ENTREP2: variants seen among roughly 807,000 people sequenced by gnomAD.
The protein encoded by ENTREP2 is endosomal transmembrane epsin interactor 2, also known as protein ENTREP2.
At chr15:29,276,869 A>G in the ENTREP2 span, among the ~76,000 whole-genome samples, 1 of 152,230 alleles carries the variant, frequency 6.6e-6, no homozygotes, top group Non-Finnish European at 1.5e-5. Context: ...CTTTGGAGCT[A>G]GGGAAGGTTA....
the ENTREP2 span, among the ~76,000 whole-genome samples, chr15:29,307,638 G>C: frequency 6.6e-6 from 1 of 152,188 alleles, no homozygotes; most frequent in Non-Finnish European, 1.5e-5. Flanking sequence ...GTCTTTAGTA[G>C]GTACTTCAGG....
chr15:29,198,679 G>A, the ENTREP2 span, among the ~76,000 whole-genome samples: 1 of 152,300 alleles, frequency 6.6e-6, no homozygotes, highest in African/African-American at 2.4e-5. Context: ...ACCGGCCCAT[G>A]GCCATGTTCC....
At chr15:29,521,891 A>G in the ENTREP2 span, among the ~76,000 whole-genome samples, 1 of 152,288 alleles carries the variant, frequency 6.6e-6, no homozygotes, top group African/African-American at 2.4e-5. Context: ...TTTAAAACAC[A>G]TTAATTAAGA....
At chr15:29,363,012 G>C in the ENTREP2 span, among the ~76,000 whole-genome samples, 3 of 152,130 alleles carry the variant, frequency 2.0e-5, no homozygotes, top group African/African-American at 7.2e-5. Context: ...CGAGGTGGGA[G>C]GTTGGGATAC....
At chr15:29,180,390 G>C in the ENTREP2 span, among the ~76,000 whole-genome samples, 4 of 152,144 alleles carry the variant, frequency 2.6e-5, no homozygotes, top group Admixed American at 2.0e-4. Flanking sequence ...AGTAGGCCAG[G>C]CGCACTGGCT....
the ENTREP2 span, among the ~76,000 whole-genome samples, chr15:29,343,765 T>G: frequency 1.4e-4 from 21 of 152,112 alleles, no homozygotes; most frequent in African/African-American, 5.1e-4. Context: ...TTGTTATAGT[T>G]AGAAACTTTA....
the ENTREP2 span, among the ~76,000 whole-genome samples, chr15:29,396,322 T>G: frequency 9.2e-6 from 1 of 108,756 alleles, no homozygotes; most frequent in Non-Finnish European, 1.8e-5. Flanking sequence ...TGAGTTTGAC[T>G]TTTTTTTTTT....
the ENTREP2 span, among the ~76,000 whole-genome samples, chr15:29,260,206 G>A: frequency 6.6e-6 from 1 of 152,182 alleles, no homozygotes; most frequent in Non-Finnish European, 1.5e-5. Flanking sequence ...CTGAAGGAGA[G>A]GGAGCACTTC....
chr15:29,314,083 C>T, the ENTREP2 span, among the ~76,000 whole-genome samples: 1 of 152,174 alleles, frequency 6.6e-6, no homozygotes, highest in African/African-American at 2.4e-5. Context: ...CATGAGAAAA[C>T]TTTAATGGAC....
chr15:29,333,513 C>T, the ENTREP2 span, among the ~76,000 whole-genome samples: 54,145 of 151,986 alleles, frequency 0.36, 11,790 homozygotes, highest in Middle Eastern at 0.49. Context: ...ATGGCCCTCC[C>T]GGGCACCCGG....
At chr15:29,284,143 G>C in the ENTREP2 span, among the ~76,000 whole-genome samples, 1 of 152,202 alleles carries the variant, frequency 6.6e-6, no homozygotes, top group East Asian at 1.9e-4. Flanking sequence ...CGAGTCTTAA[G>C]ATTGAAAGGG....
chr15:29,221,724 C>G, the ENTREP2 span, among the ~76,000 whole-genome samples: 2 of 152,092 alleles, frequency 1.3e-5, no homozygotes, highest in Non-Finnish European at 2.9e-5. Flanking sequence ...TTAATTAGCA[C>G]GGTCATCAAA....
chr15:29,435,233 G>A, the ENTREP2 span, among the ~76,000 whole-genome samples: 4 of 152,230 alleles, frequency 2.6e-5, no homozygotes, highest in South Asian at 8.3e-4. Context: ...AGCAAGAAAC[G>A]TGAGCTCAGA....
At chr15:29,385,261 C>T in the ENTREP2 span, among the ~76,000 whole-genome samples, 9 of 152,190 alleles carry the variant, frequency 5.9e-5, no homozygotes, top group Non-Finnish European at 1.3e-4. Flanking sequence ...ACTTCTAAGC[C>T]TGAAGGAAGT....
At chr15:29,414,246 G>A in the ENTREP2 span, among the ~76,000 whole-genome samples, 25 of 152,198 alleles carry the variant, frequency 1.6e-4, no homozygotes, top group Non-Finnish European at 2.4e-4. Flanking sequence ...CACATAGTTG[G>A]AAGTAAAGCA....
At chr15:29,370,913 G>C in the ENTREP2 span, among the ~76,000 whole-genome samples, 1 of 151,788 alleles carries the variant, frequency 6.6e-6, no homozygotes, top group Non-Finnish European at 1.5e-5. Flanking sequence ...AAGACACTAA[G>C]AACAGATTTA....
At chr15:29,289,450 G>A in the ENTREP2 span, among the ~76,000 whole-genome samples, 1 of 152,084 alleles carries the variant, frequency 6.6e-6, no homozygotes, top group Non-Finnish European at 1.5e-5. Context: ...CATTGGTGGG[G>A]TAATGTAAGC....
chr15:29,190,290 C>T, the ENTREP2 span, among the ~76,000 whole-genome samples: 12 of 152,230 alleles, frequency 7.9e-5, no homozygotes, highest in East Asian at 3.9e-4. Flanking sequence ...CTCGCTCAGC[C>T]CCATAAGGAG....
the ENTREP2 span, among the ~76,000 whole-genome samples, chr15:29,464,710 G>A: frequency 1.6e-4 from 24 of 152,264 alleles, no homozygotes; most frequent in African/African-American, 4.6e-4. Flanking sequence ...AAGAGGAGGC[G>A]ATGTGGAGGG....
Sources: gnomAD v4.1 joint callset for allele counts (sites outside exome capture counted in the v4.1 genomes callset) on GRCh38, gnomAD v4.1.1 for gene constraint, MANE v1.5 for transcripts, NCBI Gene and HGNC (gene_info 2026-07-23, HGNC 2026-07-21) for gene names.